Variants in COBLL1 observed in about 807,000 individuals in gnomAD.
COBLL1 encodes the protein cordon-bleu protein-like 1.
In COBLL1, 50 loss-of-function variants were observed where a neutral mutation model predicts 94.8. That is an observed-to-expected ratio of 0.53 (90% confidence interval 0.42 to 0.67). The LOEUF (loss-of-function observed/expected upper bound fraction) is 0.67, where lower values mean the gene tolerates loss of function less well. Ranked by LOEUF, COBLL1 falls within the 30% of genes least tolerant of loss-of-function variation. The pLI is 0.00. For missense variants in COBLL1, 1,362 were observed against 1,348.7 expected, an observed-to-expected ratio of 1.01 and a Z score of -0.15; for synonymous variants, 448 against 473.8, an observed-to-expected ratio of 0.95 and a Z score of 0.71.
chr2:164,732,139 C>T (rs932092991), intron 3 of COBLL1, among the ~76,000 whole-genome samples: 3 of 151,906 alleles, frequency 2.0e-5, no homozygotes, highest in Non-Finnish European at 2.9e-5. Flanking sequence ...CACCCTATTA[C>T]TTGTATATAT....
intron 11 of COBLL1, 137 bp downstream of exon 11, chr2:164,699,268 C>A: frequency 1.6e-6 from 1 of 644,142 alleles, no homozygotes; most frequent in Non-Finnish European, 2.9e-6. Context: ...ATAATAGTAC[C>A]CATAATATCC....
At chr2:164,667,928 T>A (rs1691188068) in intron 1 of COBLL1, among the ~76,000 whole-genome samples, 1 of 152,122 alleles carries the variant, frequency 6.6e-6, no homozygotes, top group African/African-American at 2.4e-5. Context: ...TTTGGTATAA[T>A]AAGCCTGTCT....
At chr2:164,802,838 A>G (rs1361322869) in intron 2 of COBLL1, among the ~76,000 whole-genome samples, 1 of 152,160 alleles carries the variant, frequency 6.6e-6, no homozygotes, top group Non-Finnish European at 1.5e-5. Flanking sequence ...TGCTTAAAGG[A>G]GGGAAAGAGA....
intron 2 of COBLL1, among the ~76,000 whole-genome samples, chr2:164,831,093 C>T (rs923404739): frequency 1.1e-4 from 16 of 152,142 alleles, no homozygotes; most frequent in African/African-American, 3.6e-4. Context: ...GAGGCCAAGG[C>T]GGGTGGTTCA....
chr2:164,761,424 C>T lies in COBLL1; in HGVS notation c.42-17549G>A, dbSNP rs189458054. ...AGAGCCAAGCTCGCATCATTGCACT[C>T]GAGCCTGGGTAACAAGAGTGAAACT... On this transcript the variant is annotated intron_variant, in intron 2 of 13. Coordinates refer to ENST00000652658, the MANE Select transcript of COBLL1 (RefSeq NM_001365672.2). The T allele has an allele frequency of 1.7e-3, 260 of 148,894 alleles. 2 individuals carry two copies. The highest frequency in any genetic ancestry group is 6.2e-3 in the African/African-American group (249 of 40,350). 9.2% of individuals were successfully genotyped at this position (148,894 alleles called of 1,614,324 possible).
At chr2:164,830,452 T>C (rs533997239) in intron 2 of COBLL1, among the ~76,000 whole-genome samples, 1 of 152,266 alleles carries the variant, frequency 6.6e-6, no homozygotes, top group Admixed American at 6.5e-5. Flanking sequence ...CTTAGTGTAC[T>C]AAATGATACA....
chr2:164,701,246 T>C (rs755109229), intron 9 of COBLL1, among the ~76,000 whole-genome samples: 2 of 152,198 alleles, frequency 1.3e-5, no homozygotes, highest in Admixed American at 1.3e-4. Flanking sequence ...TTAAAAATAT[T>C]GAGGCTCACA....
chr2:164,743,637 A>G (rs778900440), intron 3 of COBLL1, 50 bp downstream of exon 3: 7 of 1,410,170 alleles, frequency 5.0e-6, no homozygotes, highest in Non-Finnish European at 6.0e-6. Flanking sequence ...GAGACTTTCA[A>G]TGGTGGAATA....
intron 13 of COBLL1, 27 bp from the exon 14 acceptor site, chr2:164,686,059 C>A (rs1683268944): frequency 5.1e-6 from 7 of 1,364,164 alleles, no homozygotes; most frequent in Non-Finnish European, 7.2e-6. Flanking sequence ...CACTTTGCAC[C>A]CATCAATTTA....
intron 2 of COBLL1, among the ~76,000 whole-genome samples, chr2:164,659,758 T>C (rs917704896): frequency 1.2e-4 from 19 of 152,196 alleles, no homozygotes; most frequent in African/African-American, 4.6e-4. Flanking sequence ...TCTTTCCTTC[T>C]TGCAATAAAT....
intron 2 of COBLL1, among the ~76,000 whole-genome samples, chr2:164,803,830 A>G (rs941309573): frequency 6.6e-6 from 1 of 152,100 alleles, no homozygotes; most frequent in Non-Finnish European, 1.5e-5. Context: ...GGTGACAAGC[A>G]AATACCAATA....
At position 164,694,479 on chromosome 2, in the gene COBLL1, CAA is replaced by C; in HGVS notation, c.2911_2912del (p.Leu971GlufsTer30). 6.2e-7 allele frequency: 1 copy of C among 1,613,960 alleles called. No individual in the cohort carries two copies. The highest frequency in any genetic ancestry group is 8.5e-7 in the Non-Finnish European group (1 of 1,179,936). On this transcript the variant is annotated frameshift_variant, in exon 12 of 14. Transcript: ENST00000652658. LOFTEE classifies it high-confidence loss of function. ...ATGGTCGTGGGGCACCAAAAGTTTT[CAA>C]AGTCTTCAGATTTTGTGTGGATACC... ...SQVSTQNLKTLKTFGAPRPYS... is the reference protein window; with the variant it reads ...SQVSTQNLKTXKTFGAPRPYS...
chr2:164,763,349 T>G (rs1013345247), intron 2 of COBLL1, among the ~76,000 whole-genome samples: 1 of 152,144 alleles, frequency 6.6e-6, no homozygotes, highest in Non-Finnish European at 1.5e-5. Flanking sequence ...ATAGGTATGG[T>G]TGGGAAAAGA....
chr2:164,760,188 T>G (rs1687610622), intron 2 of COBLL1, among the ~76,000 whole-genome samples: 1 of 152,140 alleles, frequency 6.6e-6, no homozygotes, highest in Non-Finnish European at 1.5e-5. Flanking sequence ...CTATGATGCA[T>G]CCATACAACA....
At chr2:164,680,059 G>A (rs1184181406), downstream of COBLL1, 1 of 151,854 alleles carries the variant, frequency 6.6e-6, no homozygotes, top group Non-Finnish European at 1.5e-5. Flanking sequence ...AGATGCTTTT[G>A]CCAAATTCCT....
chr2:164,727,625 T>C (rs1165203495), intron 5 of COBLL1, among the ~76,000 whole-genome samples: 2 of 151,502 alleles, frequency 1.3e-5, no homozygotes, highest in East Asian at 3.9e-4. Context: ...ACAATGACTT[T>C]ATATGTAAAT....
intron 2 of COBLL1, among the ~76,000 whole-genome samples, chr2:164,660,731 T>C (rs922293236): frequency 6.6e-6 from 1 of 152,206 alleles, no homozygotes; most frequent in Admixed American, 6.5e-5. Flanking sequence ...TAATTTTAAG[T>C]TCATATGTAA....
At chr2:164,768,633 C>A (rs1475162375) in intron 2 of COBLL1, among the ~76,000 whole-genome samples, 1 of 152,032 alleles carries the variant, frequency 6.6e-6, no homozygotes, top group African/African-American at 2.4e-5. Context: ...CATCTTATGT[C>A]TATTAGTTAA....
At chr2:164,759,884 CT>C (rs1301203252) in intron 2 of COBLL1, among the ~76,000 whole-genome samples, 2 of 152,156 alleles carry the variant, frequency 1.3e-5, no homozygotes, top group African/African-American at 2.4e-5. Flanking sequence ...TTTTAAAATA[CT>C]GGTAATACCA....
Sources: allele counts gnomAD v4.1 joint callset (sites outside exome capture counted in the v4.1 genomes callset), GRCh38; gene constraint gnomAD v4.1.1; transcripts MANE v1.5; gene names NCBI Gene and HGNC (gene_info 2026-07-23, HGNC 2026-07-21).